Variants in JAZF1 observed in about 807,000 individuals in gnomAD.
JAZF1 encodes the protein juxtaposed with another zinc finger protein 1.
JAZF1 carries 8 observed loss-of-function variants against 26.4 expected under a neutral mutation model. That is an observed-to-expected ratio of 0.30 (90% CI 0.18 to 0.55). The LOEUF (loss-of-function observed/expected upper bound fraction) is 0.55, where lower values mean the gene tolerates loss of function less well. Ranked by LOEUF, JAZF1 falls within the 20% of genes least tolerant of loss-of-function variation. The pLI, the probability that JAZF1 is intolerant of heterozygous loss-of-function variation, is 0.94. For missense variants in JAZF1, 199 were observed against 322.0 expected, an observed-to-expected ratio of 0.62 and a Z score of 2.92; for synonymous variants, 126 against 122.3, an observed-to-expected ratio of 1.03 and a Z score of -0.20.
chr7:27,994,260 T>C (rs534858732), intron 1 of JAZF1, among the ~76,000 whole-genome samples: 1 of 152,328 alleles, frequency 6.6e-6, no homozygotes, highest in South Asian at 2.1e-4. Context: ...TCTTGTAATC[T>C]TGATTTACAA....
intron 1 of JAZF1, among the ~76,000 whole-genome samples, chr7:28,153,855 G>C (rs1383659729): frequency 3.9e-5 from 6 of 152,078 alleles, no homozygotes; most frequent in Non-Finnish European, 8.8e-5. Flanking sequence ...GGGGTGCTTT[G>C]GGATGTCTGC....
intron 1 of JAZF1, among the ~76,000 whole-genome samples, chr7:28,059,170 C>T (rs1045659291): frequency 1.1e-4 from 17 of 151,572 alleles, no homozygotes; most frequent in Admixed American, 3.3e-4. Context: ...AATATTTTTG[C>T]CTTCAATTCC....
chr7:27,894,419 T>C (rs974130932), intron 3 of JAZF1, among the ~76,000 whole-genome samples: 6 of 152,238 alleles, frequency 3.9e-5, no homozygotes, highest in African/African-American at 1.4e-4. Flanking sequence ...GTCTTCAGAT[T>C]ATTATAGGCT....
Position 28,004,224 on chromosome 7 carries a change from T to C in JAZF1, c.116-12243A>G, listed in dbSNP as rs375616214. On this transcript the variant is annotated intron_variant, in intron 1 of 4. Coordinates refer to ENST00000283928, the MANE Select transcript of JAZF1 (RefSeq NM_175061.4). Reference sequence around the variant, plus strand: ...AAAGGGGGGGTACCTGATGAGCCAGTTGGAGTAGGTGTTCCCAAGCTAAGA... The same window carrying C: ...AAAGGGGGGGTACCTGATGAGCCAGCTGGAGTAGGTGTTCCCAAGCTAAGA... 2.9e-4 allele frequency among the ~76,000 whole-genome samples: 44 copies of C among 152,078 alleles called. 2 individuals are homozygous for C. The East Asian group carries it at 5.0e-3, about 17-fold the overall frequency.
chr7:27,914,801 C>T (rs1233960769), intron 2 of JAZF1: 1 of 471,146 alleles, frequency 2.1e-6, no homozygotes, highest in East Asian at 6.9e-5. Context: ...ATCTGATGCC[C>T]AATGTCCCTA....
intron 1 of JAZF1, among the ~76,000 whole-genome samples, chr7:28,051,927 G>A (rs1216163173): frequency 1.3e-5 from 2 of 152,106 alleles, no homozygotes; most frequent in Admixed American, 6.5e-5. Context: ...GTGTGGCCTA[G>A]TGGAAAAGAA....
chr7:27,930,825 A>AC (rs1562532410), intron 2 of JAZF1, among the ~76,000 whole-genome samples: 1 of 141,708 alleles, frequency 7.1e-6, no homozygotes, highest in Non-Finnish European at 1.6e-5. Flanking sequence ...ATAGACAGCC[A>AC]TTTTTTTTAA....
chr7:27,836,564 C>G (rs941146083), intron 4 of JAZF1, among the ~76,000 whole-genome samples: 1 of 152,078 alleles, frequency 6.6e-6, no homozygotes, highest in Non-Finnish European at 1.5e-5. Context: ...TTCCCAGGGC[C>G]TGGATGTTGT....
intron 2 of JAZF1, among the ~76,000 whole-genome samples, chr7:27,953,692 T>G (rs10248465): frequency 0.31 from 47,325 of 152,096 alleles, 8,358 homozygotes; most frequent in Non-Finnish European, 0.4. Flanking sequence ...AAAAGACAAA[T>G]TTAACTTGAA....
At position 27,869,607 on chromosome 7, in the gene JAZF1, AG is replaced by A. The variant is rs201127998; in HGVS notation, c.385+25612del. Among the ~76,000 whole-genome samples the A allele has an allele frequency of 2.0e-4, 31 of 152,256 alleles. No homozygotes were observed. In the East Asian group the frequency reaches 5.4e-3, roughly 26 times the overall value. ...GTGTGGTGATCCCATGCAGGAACCA[AG>A]GGGTTGCTTCTGGCCTGTTTTCCAG... On this transcript the variant is annotated intron_variant, in intron 3 of 4. Transcript: ENST00000283928.
At chr7:27,874,265 G>C (rs1783634750) in intron 3 of JAZF1, among the ~76,000 whole-genome samples, 1 of 152,230 alleles carries the variant, frequency 6.6e-6, no homozygotes. Flanking sequence ...AAAATCCCCA[G>C]GGAGGGGGCA....
At chr7:27,941,940 C>T (rs936321268) in intron 2 of JAZF1, among the ~76,000 whole-genome samples, 29 of 152,250 alleles carry the variant, frequency 1.9e-4, no homozygotes, top group South Asian at 1.0e-3. Context: ...ACAGTTTTTC[C>T]GGGAATCTGG....
chr7:27,893,486 A>C (rs530159158), intron 3 of JAZF1, among the ~76,000 whole-genome samples: 170 of 152,230 alleles, frequency 1.1e-3, no homozygotes, highest in Non-Finnish European at 2.0e-3. Context: ...GCCTTTCAGT[A>C]ATGGGGACCT....
intron 2 of JAZF1, among the ~76,000 whole-genome samples, chr7:27,985,128 C>T (rs1311799282): frequency 1.3e-5 from 2 of 152,068 alleles, no homozygotes; most frequent in East Asian, 1.9e-4. Flanking sequence ...AAGATAGAGA[C>T]ACAAAAACCC....
At chr7:28,119,694 C>T (rs4722759) in intron 1 of JAZF1, among the ~76,000 whole-genome samples, 122,733 of 152,100 alleles carry the variant, frequency 0.81, 49,824 homozygotes, top group Admixed American at 0.88. Flanking sequence ...CCCCCTACTA[C>T]TTACATGACA....
chr7:27,923,325 C>T (rs910448201), intron 2 of JAZF1, among the ~76,000 whole-genome samples: 3 of 152,180 alleles, frequency 2.0e-5, no homozygotes, highest in Admixed American at 2.0e-4. Flanking sequence ...CGTCGAGTTT[C>T]CAGATTTGTT....
At position 28,042,551 on chromosome 7, in the gene JAZF1, C is replaced by T. The variant is rs148536431; in HGVS notation, c.116-50570G>A. On this transcript the variant is annotated intron_variant, in intron 1 of 4. Transcript: ENST00000283928. ...ACCAAAGTAACAACTGTCCTTTAAC[C>T]AACTGCTTGGCAGGAGGGATTGTTT... Among the ~76,000 whole-genome samples the T allele has an allele frequency of 5.9e-3, 898 of 152,218 alleles. 5 individuals carry two copies. The highest frequency in any genetic ancestry group is 0.021 in the African/African-American group (869 of 41,518).
intron 2 of JAZF1, among the ~76,000 whole-genome samples, chr7:27,909,704 C>A (rs1784328420): frequency 6.6e-6 from 1 of 152,018 alleles, no homozygotes; most frequent in Non-Finnish European, 1.5e-5. Context: ...GAAACTCCAT[C>A]TCAAAAACAA....
At chr7:28,054,209 C>A (rs1356309047) in intron 1 of JAZF1, among the ~76,000 whole-genome samples, 1 of 152,202 alleles carries the variant, frequency 6.6e-6, no homozygotes, top group Non-Finnish European at 1.5e-5. Flanking sequence ...CTTGCTCAAT[C>A]AATACCATTT....
Sources: allele counts gnomAD v4.1 joint callset (sites outside exome capture counted in the v4.1 genomes callset), GRCh38; gene constraint gnomAD v4.1.1; transcripts MANE v1.5; gene names NCBI Gene and HGNC (gene_info 2026-07-23, HGNC 2026-07-21).